FAM76A: variants seen among roughly 807,000 people sequenced by gnomAD.
FAM76A encodes protein FAM76A.
FAM76A carries 32 observed loss-of-function variants against 46.2 expected under a neutral mutation model. That is an observed-to-expected ratio of 0.69 (90% CI 0.52 to 0.93). FAM76A has a LOEUF of 0.93. FAM76A is among the 40% of genes least tolerant of loss of function. FAM76A has a pLI of 0.00. For missense variants in FAM76A, 274 were observed against 361.5 expected (o/e 0.76, Z 1.96); for synonymous variants, 137 against 127.0 (o/e 1.08, Z -0.53).
At chr1:27,744,861 G>A in intron 5 of FAM76A, 50 bp downstream of exon 5, 2 of 1,562,426 alleles carry the variant, frequency 1.3e-6, no homozygotes, top group Non-Finnish European at 1.8e-6. Flanking sequence ...TAGGTCAGAT[G>A]TAATGCTCAC....
chr1:27,748,313 A>G (rs2088275453), intron 5 of FAM76A, among the ~76,000 whole-genome samples: 1 of 150,706 alleles, frequency 6.6e-6, no homozygotes, highest in Non-Finnish European at 1.5e-5. Context: ...TTTAGTAGAG[A>G]CGGGGTTTTA....
At chr1:27,741,465 T>TGAA (rs1358577925) in intron 4 of FAM76A, among the ~76,000 whole-genome samples, 1 of 152,096 alleles carries the variant, frequency 6.6e-6, no homozygotes, top group Non-Finnish European at 1.5e-5. Context: ...CACTTGATTT[T>TGAA]TCATAAAGAG....
chr1:27,739,005 G>A (rs1204995595), intron 4 of FAM76A: 3 of 171,056 alleles, frequency 1.8e-5, no homozygotes, highest in Admixed American at 6.3e-5. Context: ...TGGGGAAAAG[G>A]AAGGAAACAA....
At chr1:27,755,586 G>A (rs1204730643) in intron 7 of FAM76A, among the ~76,000 whole-genome samples, 1 of 152,042 alleles carries the variant, frequency 6.6e-6, no homozygotes, top group African/African-American at 2.4e-5. Context: ...TTTTTGTTTT[G>A]TTTTTGAGAC....
At chr1:27,759,766 G>GTTTTTTTTTTTGT in intron 8 of FAM76A, 139 bp downstream of exon 8, 3 of 484,694 alleles carry the variant, frequency 6.2e-6, no homozygotes, top group East Asian at 9.1e-5. Flanking sequence ...CCCCTTTTAG[G>GTTTTTTTTTTTGT]TTTTTTTTTT....
chr1:27,748,344 T>G (rs2088276097), intron 5 of FAM76A, among the ~76,000 whole-genome samples: 1 of 151,722 alleles, frequency 6.6e-6, no homozygotes, highest in Non-Finnish European at 1.5e-5. Context: ...CAGGATGGTG[T>G]CGATCTCCTG....
Position 27,760,946 on chromosome 1 carries a change from G to GTTTTTTTTTTTT in FAM76A, c.*371_*382dup, listed in dbSNP as rs202213914. ...TAATGTGCAGAATGATTTGTTTTTTGTTTTTTTTTTTTTTTTTGGTCCTTC... is the reference window on the plus strand; with the variant it reads ...TAATGTGCAGAATGATTTGTTTTTTGTTTTTTTTTTTTTTTTTTTTTTTTTTTTTGGTCCTTC... On this transcript the variant is annotated 3_prime_UTR_variant, in exon 9 of 9. Coordinates refer to ENST00000373954, the MANE Select transcript of FAM76A (RefSeq NM_152660.3). 1.2e-4 allele frequency: 4 copies of GTTTTTTTTTTTT among 33,276 alleles called. No individual in the cohort carries two copies. Among genetic ancestry groups the GTTTTTTTTTTTT allele is most frequent in the Admixed American group, 3.9e-4 (1 of 2,584 alleles). 2.1% of individuals were successfully genotyped at this position (33,276 alleles called of 1,614,324 possible).
intron 4 of FAM76A, 97 bp downstream of exon 4, chr1:27,734,280 G>A: frequency 1.6e-6 from 2 of 1,284,018 alleles, no homozygotes; most frequent in South Asian, 1.6e-5. Flanking sequence ...GGGCGTGGTG[G>A]CTCATGCCTG....
chr1:27,732,952 T>G (rs1271368577), intron 3 of FAM76A, among the ~76,000 whole-genome samples: 7 of 151,944 alleles, frequency 4.6e-5, no homozygotes, highest in East Asian at 3.9e-4. Context: ...TTTTTTTTTT[T>G]TGTGACTGAG....
intron 8 of FAM76A, 152 bp downstream of exon 8, chr1:27,759,779 G>GTTTTTGTTTTTTT (rs2088474172): frequency 1.4e-5 from 5 of 363,574 alleles, no homozygotes; most frequent in African/African-American, 1.3e-4. Flanking sequence ...TTTTTTTTTT[G>GTTTTTGTTTTTTT]TTTTTTTTTT....
At chr1:27,744,834 G>A (rs2148578243) in intron 5 of FAM76A, 23 bp downstream of exon 5, 1 of 1,603,134 alleles carries the variant, frequency 6.2e-7, no homozygotes, top group Non-Finnish European at 8.5e-7. Flanking sequence ...CACATGAGAT[G>A]GGACTAGAAG....
At chr1:27,739,858 G>A (rs2088121328) in intron 4 of FAM76A, 1 of 191,470 alleles carries the variant, frequency 5.2e-6, no homozygotes, top group Non-Finnish European at 1.1e-5. Flanking sequence ...ATAGGCTATG[G>A]TACAGAGTTT....
chr1:27,744,586 C>G, intron 4 of FAM76A, 68 bp from the exon 5 acceptor site: 1 of 1,556,012 alleles, frequency 6.4e-7, no homozygotes, highest in Non-Finnish European at 8.8e-7. Flanking sequence ...GATTCTAGCT[C>G]CCAATACCAC....
chr1:27,741,357 T>C (rs2088150032), intron 4 of FAM76A, among the ~76,000 whole-genome samples: 1 of 151,914 alleles, frequency 6.6e-6, no homozygotes, highest in Non-Finnish European at 1.5e-5. Flanking sequence ...AGCTAATCTT[T>C]GTACTTTTTG....
rs931286706 is a variant in FAM76A, at chr1:27,744,666, T to C, written c.367T>C (p.Leu123=). 3 of 1,613,998 alleles carry C rather than the reference T, an allele frequency of 1.9e-6. No individual in the cohort carries two copies. The highest frequency in any genetic ancestry group is 2.5e-6 in the Non-Finnish European group (3 of 1,179,914). The change falls in exon 5 of 9, where the codon TTG becomes CTG. Residue 123 remains leucine, a synonymous_variant. Coordinates refer to ENST00000373954, the MANE Select transcript of FAM76A (RefSeq NM_152660.3). ...CCTTGTCTTTCAGGTAGATGGGAAA[T>C]TGCTGTGCTGGCTGTGCACACTTTC... ...KDDRKKVDGK[L]LCWLCTLSYK...
At chr1:27,733,979 A>T (rs2088001477) in intron 3 of FAM76A, 52 bp from the exon 4 acceptor site, 1 of 1,536,802 alleles carries the variant, frequency 6.5e-7, no homozygotes, top group Non-Finnish European at 8.8e-7. Context: ...TTTTAAATGC[A>T]GTGGTATTTT....
chr1:27,734,306 G>C (rs2088008796), intron 4 of FAM76A, 123 bp downstream of exon 4: 12 of 934,020 alleles, frequency 1.3e-5, no homozygotes, highest in Non-Finnish European at 1.8e-5. Flanking sequence ...CCAGCACTTT[G>C]GGAGGCCGAG....
chr1:27,731,099 C>T (rs934352768), intron 2 of FAM76A, among the ~76,000 whole-genome samples: 2 of 151,508 alleles, frequency 1.3e-5, no homozygotes, highest in African/African-American at 4.9e-5. Flanking sequence ...CCCCGGGCAG[C>T]TTTATTAATT....
At chr1:27,758,139 A>G (rs1007233447) in intron 7 of FAM76A, among the ~76,000 whole-genome samples, 5 of 152,182 alleles carry the variant, frequency 3.3e-5, no homozygotes, top group Non-Finnish European at 7.3e-5. Context: ...TAGCTAAGAC[A>G]TTGATGTAAA....
Sources: allele counts gnomAD v4.1 joint callset (sites outside exome capture counted in the v4.1 genomes callset), GRCh38; gene constraint gnomAD v4.1.1; transcripts MANE v1.5; gene names NCBI Gene and HGNC (gene_info 2026-07-23, HGNC 2026-07-21).